Variants in FHIT observed in about 807,000 individuals in gnomAD.
The protein encoded by FHIT is fragile histidine triad diadenosine triphosphatase.
Under a neutral mutation model 17.9 loss-of-function variants are expected in FHIT, and 19 were observed. The ratio of observed to expected loss-of-function variants is 1.06; its 90% CI spans 0.74 to 1.56. FHIT has a LOEUF of 1.56. Ranked by LOEUF, FHIT falls within the 40% of genes most tolerant of loss-of-function variation. The pLI is 0.00. For synonymous variants in FHIT, 81 were observed against 69.7 expected (o/e 1.16, Z -0.81); for missense variants, 248 against 189.2 (o/e 1.31, Z -1.82).
intron 5 of FHIT, among the ~76,000 whole-genome samples, chr3:60,481,412 G>A (rs962544473): frequency 6.6e-6 from 1 of 152,058 alleles, no homozygotes; most frequent in Admixed American, 6.6e-5. Context: ...AGAATGTTAA[G>A]GGCAGCCAGA....
At chr3:60,051,465 G>A (rs373584644) in intron 5 of FHIT, among the ~76,000 whole-genome samples, 23 of 151,854 alleles carry the variant, frequency 1.5e-4, no homozygotes, top group Admixed American at 4.6e-4. Flanking sequence ...GGCAGGGCTC[G>A]GACACCAGAT....
At chr3:61,000,750 G>A (rs187307849) in intron 3 of FHIT, among the ~76,000 whole-genome samples, 20 of 152,188 alleles carry the variant, frequency 1.3e-4, no homozygotes, top group African/African-American at 4.1e-4. Flanking sequence ...TTCCAGAGAC[G>A]GCTGCAACCC....
At chr3:59,983,445 T>C (rs1389865521) in intron 7 of FHIT, among the ~76,000 whole-genome samples, 1 of 152,080 alleles carries the variant, frequency 6.6e-6, no homozygotes, top group African/African-American at 2.4e-5. Flanking sequence ...AAGACCACAA[T>C]TATTAACTTT....
intron 5 of FHIT, among the ~76,000 whole-genome samples, chr3:60,406,344 A>G (rs1701855723): frequency 6.6e-6 from 1 of 152,218 alleles, no homozygotes; most frequent in African/African-American, 2.4e-5. Flanking sequence ...AGGCAATCTT[A>G]CATGCAAACT....
chr3:61,137,555 C>T (rs2036953387), intron 2 of FHIT, among the ~76,000 whole-genome samples: 1 of 152,154 alleles, frequency 6.6e-6, no homozygotes, highest in Non-Finnish European at 1.5e-5. Context: ...ATGCTACCTA[C>T]AGATAATGTA....
In FHIT at chr3:60,561,783, C is replaced by A. The variant is rs1323540052; in HGVS notation, c.-17-24804G>T. On this transcript the variant is annotated intron_variant, in intron 4 of 9. Coordinates refer to ENST00000492590, the MANE Select transcript of FHIT (RefSeq NM_002012.4). ...TCCTACCAAATGGTACAGGCTTTGG[C>A]AGCCTCTTTTTTAAAAGGCCTTTTA... Among the ~76,000 whole-genome samples the A allele has an allele frequency of 5.3e-5, 8 of 152,196 alleles. No individual in the cohort carries two copies. In the East Asian group the frequency reaches 1.5e-3, roughly 29 times the overall value.
At chr3:59,957,538 C>T (rs1198353397) in intron 7 of FHIT, among the ~76,000 whole-genome samples, 1 of 152,208 alleles carries the variant, frequency 6.6e-6, no homozygotes, top group Non-Finnish European at 1.5e-5. Context: ...AATGTGTCAA[C>T]CCAGTGCTCA....
At position 59,923,075 on chromosome 3, in the gene FHIT, C is replaced by T. The variant is rs1049542977; in HGVS notation, c.280-661G>A. ...GAGATCGAGATCATCCTGGCCAACA[C>T]GGTGAAACTCCGTCTCTACTAAAAC... is the stretch of plus-strand genomic sequence containing the variant. On this transcript the variant is annotated intron_variant, in intron 7 of 9. Transcript: ENST00000492590. 4.6e-5 allele frequency among the ~76,000 whole-genome samples: 7 copies of T among 151,570 alleles called. 1 individual carries two copies. The South Asian group carries it at 1.0e-3, about 23-fold the overall frequency.
intron 5 of FHIT, among the ~76,000 whole-genome samples, chr3:60,092,381 T>A (rs1448900255): frequency 2.6e-5 from 4 of 152,184 alleles, no homozygotes; most frequent in Non-Finnish European, 5.9e-5. Context: ...TAATGATCTG[T>A]TGCAAGGACA....
chr3:60,980,571 G>A (rs1025000175), intron 3 of FHIT, among the ~76,000 whole-genome samples: 1 of 152,174 alleles, frequency 6.6e-6, no homozygotes, highest in Non-Finnish European at 1.5e-5. Context: ...ACTCCCAGAT[G>A]TCGGTTCCAG....
chr3:59,771,385 A>T (rs1015694264), intron 8 of FHIT, among the ~76,000 whole-genome samples: 4 of 152,196 alleles, frequency 2.6e-5, no homozygotes, highest in Admixed American at 6.5e-5. Context: ...AATAATTTTT[A>T]AAAAAGACAA....
intron 3 of FHIT, among the ~76,000 whole-genome samples, chr3:60,993,494 T>C (rs1474419801): frequency 8.4e-6 from 1 of 119,174 alleles, no homozygotes; most frequent in Non-Finnish European, 1.8e-5. Context: ...CTGTCCCTGA[T>C]GGTAGGCAAA....
chr3:60,620,210 A>C (rs2039080104), intron 4 of FHIT, among the ~76,000 whole-genome samples: 1 of 152,152 alleles, frequency 6.6e-6, no homozygotes, highest in Non-Finnish European at 1.5e-5. Flanking sequence ...GGGAATGCAA[A>C]ATGATATAGC....
At chr3:61,031,409 A>G (rs181799299) in intron 3 of FHIT, among the ~76,000 whole-genome samples, 110 of 152,270 alleles carry the variant, frequency 7.2e-4, no homozygotes, top group African/African-American at 2.6e-3. Flanking sequence ...GAGTTGCCCA[A>G]TTGCCCAAAA....
At chr3:59,985,355 G>A (rs1245367974) in intron 7 of FHIT, among the ~76,000 whole-genome samples, 1 of 152,090 alleles carries the variant, frequency 6.6e-6, no homozygotes, top group East Asian at 1.9e-4. Flanking sequence ...TCCAGACATA[G>A]GGGGTTATTT....
At chr3:60,016,388 C>T (rs868212423) in intron 5 of FHIT, among the ~76,000 whole-genome samples, 6 of 152,106 alleles carry the variant, frequency 3.9e-5, no homozygotes, top group East Asian at 1.9e-4. Context: ...AAACCAAAGG[C>T]GACTTCTTAG....
intron 4 of FHIT, among the ~76,000 whole-genome samples, chr3:60,669,451 T>G (rs2040461873): frequency 6.6e-6 from 1 of 152,178 alleles, no homozygotes. Context: ...CCACCATTAC[T>G]TCCTAAAGCC....
chr3:60,238,099 T>C (rs937793396), intron 5 of FHIT, among the ~76,000 whole-genome samples: 3 of 150,392 alleles, frequency 2.0e-5, no homozygotes, highest in Non-Finnish European at 4.4e-5. Context: ...TGAGCCGAGA[T>C]TGTACCACTG....
intron 5 of FHIT, among the ~76,000 whole-genome samples, chr3:60,053,968 A>G (rs141608829): frequency 0.019 from 2,892 of 152,344 alleles, 35 homozygotes; most frequent in Non-Finnish European, 0.028. Flanking sequence ...TCAAATGTAA[A>G]TCAGAAGCCA....
Sources: allele counts gnomAD v4.1 joint callset (sites outside exome capture counted in the v4.1 genomes callset), GRCh38; gene constraint gnomAD v4.1.1; transcripts MANE v1.5; gene names NCBI Gene and HGNC (gene_info 2026-07-23, HGNC 2026-07-21).